The following IRF4 variants were observed in gnomAD, a reference collection of about 807,000 sequenced individuals.
The protein encoded by IRF4 is lymphocyte-specific interferon regulatory factor.
IRF4 carries 13 observed loss-of-function variants against 55.5 expected under a neutral mutation model. That is an observed-to-expected ratio of 0.23 (90% confidence interval 0.15 to 0.37). IRF4 has a LOEUF of 0.37. Among genes scored for constraint, IRF4 ranks in the 10% least tolerant of loss-of-function variants. The pLI, the probability that IRF4 is intolerant of heterozygous loss-of-function variation, is 1.00. For synonymous variants in IRF4, 249 were observed against 240.7 expected, an observed-to-expected ratio of 1.03 and a Z score of -0.32; for missense variants, 397 against 593.8, an observed-to-expected ratio of 0.67 and a Z score of 3.44.
At chr6:400,421 G>T (rs916425975) in intron 6 of IRF4, among the ~76,000 whole-genome samples, 3 of 152,128 alleles carry the variant, frequency 2.0e-5, no homozygotes, top group Non-Finnish European at 4.4e-5. Context: ...TCAGCAAAAC[G>T]TTTGTAAATG....
At chr6:395,080 A>C in intron 3 of IRF4, 73 bp downstream of exon 3, 2 of 1,195,684 alleles carry the variant, frequency 1.7e-6, no homozygotes, top group South Asian at 1.5e-5. Context: ...CTTCATTCTG[A>C]GCATCACTTT....
At position 409,824 on chromosome 6, in the gene IRF4, C is replaced by G. The variant is rs558503377; in HGVS notation, c.*2226C>G. 4 of 170,418 alleles carry G rather than the reference C, an allele frequency of 2.3e-5. No individual in the cohort carries two copies. The South Asian group carries it at 7.4e-4, about 31-fold the overall frequency. The allele number at this position is 170,418 out of a possible 1,614,324, so 10.6% of individuals were successfully genotyped here. ...CTTGGAAGTCTGTCTCAGGAGCACC[C>G]TGTCTTCTTAATTCTCCAAGCGGAT... On this transcript the variant is annotated 3_prime_UTR_variant, in exon 9 of 9. Coordinates refer to ENST00000380956, the MANE Select transcript of IRF4 (RefSeq NM_002460.4).
chr6:395,924 C>T lies in IRF4; in HGVS notation c.481C>T (p.Leu161Phe). The T allele has an allele frequency of 6.2e-7, 1 of 1,613,110 alleles. No individual in the cohort carries two copies. Among genetic ancestry groups the T allele is most frequent in the East Asian group, 2.2e-5 (1 of 44,884 alleles). ...PYTMTTPYPS[L>F]PAQQVHNYMM... Reference sequence around the variant, plus strand: ...CACCATGACAACGCCTTACCCTTCGCTCCCAGCCCAGGTATGGTGGAGGGC... The same window carrying T: ...CACCATGACAACGCCTTACCCTTCGTTCCCAGCCCAGGTATGGTGGAGGGC... Residue 161 changes from leucine (L) to phenylalanine (F), a missense_variant, in exon 4 of 9, where the codon CTC becomes TTC. Coordinates refer to ENST00000380956, the MANE Select transcript of IRF4 (RefSeq NM_002460.4).
chr6:410,356 A>C lies in IRF4; in HGVS notation c.*2758A>C, dbSNP rs1274450934. The stretch of plus-strand genomic sequence containing the variant: ...AGAACCAAGTGACCGACTCATTTAC[A>C]ACTGAAACCTAGGAAGCCCCTGAGT... On this transcript the variant is annotated 3_prime_UTR_variant, in exon 9 of 9. Transcript: ENST00000380956. The C allele has an allele frequency of 4.4e-6, 1 of 228,222 alleles. No individual in the cohort carries two copies. Among genetic ancestry groups the C allele is most frequent in the Non-Finnish European group, 8.7e-6 (1 of 114,760 alleles). The allele number at this position is 228,222 out of a possible 1,614,324, so 14.1% of individuals were successfully genotyped here. A position where few individuals can be genotyped will look rare whatever the true frequency, so the allele number is the denominator to read the frequency against.
intron 4 of IRF4, among the ~76,000 whole-genome samples, chr6:396,569 C>T (rs554958530): frequency 6.7e-6 from 1 of 149,014 alleles, no homozygotes; most frequent in East Asian, 2.0e-4. Flanking sequence ...TTATCTCAGC[C>T]TCTCCTGCAC....
rs1159107414 is a variant in IRF4 at position 405,053 on chromosome 6, C to A, written c.1135C>A (p.Pro379Thr). 2 of 1,613,998 alleles carry A rather than the reference C, an allele frequency of 1.2e-6. No homozygotes were observed. Among genetic ancestry groups the A allele is most frequent in the Non-Finnish European group, 1.7e-6 (2 of 1,179,894 alleles). Residue 379 changes from proline (P) to threonine (T), a missense_variant, in exon 8 of 9, where the codon CCA (proline) becomes ACA (threonine). Pro to Thr is a conservative substitution (Grantham distance 38). This residue lies in a region of IRF4 where 341 missense variants were observed against 548.1 expected (regional missense o/e 0.62). Coordinates refer to ENST00000380956, the MANE Select transcript of IRF4 (RefSeq NM_002460.4). ...GTTTGCTCACCACGGCCGCTCCCTG[C>A]CAAGATTCCAGGTGACTCTATGCTT... ...QAFAHHGRSL[P>T]RFQVTLCFGE...
At chr6:397,295 A>G (rs1761291067) in intron 5 of IRF4, 43 bp downstream of exon 5, 3 of 1,608,938 alleles carry the variant, frequency 1.9e-6, no homozygotes, top group Admixed American at 1.7e-5. Flanking sequence ...GCTAATTGCT[A>G]ATGTGGCCAT....
chr6:395,992 C>T (rs748167619), intron 4 of IRF4, 57 bp downstream of exon 4: 26 of 1,396,066 alleles, frequency 1.9e-5, no homozygotes, highest in Non-Finnish European at 2.6e-5. Context: ...CAGCTGCCCA[C>T]ATGGCCAGAG....
Position 398,839 on chromosome 6 carries a change from A to G in IRF4, c.649A>G (p.Thr217Ala). The change falls in exon 6 of 9, where the codon ACA (threonine) becomes GCA (alanine). Residue 217 changes from threonine (T) to alanine (A), a missense_variant. Physicochemically the swap from Thr to Ala is moderately conservative, Grantham distance 58. Transcript: ENST00000380956. ...ATTTGCAAATGCAGGTTGCCAGGTGACAGGAACCTTTTATGCTTGTGCCCC... is the reference window on the plus strand; with the variant it reads ...ATTTGCAAATGCAGGTTGCCAGGTGGCAGGAACCTTTTATGCTTGTGCCCC... ...GPACENGCQV[T>A]GTFYACAPPE... is the part of the protein sequence containing the mutation. 1.2e-6 allele frequency: 2 copies of G among 1,613,354 alleles called. No homozygotes were observed. The highest frequency in any genetic ancestry group is 4.5e-5 in the East Asian group (2 of 44,882).
At position 409,409 on chromosome 6, in the gene IRF4, C is replaced by T. The variant is rs1349744522; in HGVS notation, c.*1811C>T. The T allele has an allele frequency of 9.9e-6, 2 of 202,130 alleles. No homozygotes were observed. The highest frequency in any genetic ancestry group is 6.0e-5 in the Admixed American group (1 of 16,630). 12.5% of individuals were successfully genotyped at this position (202,130 alleles called of 1,614,324 possible). ...CCACAAGAAGGGGTGTTTATTCTTC[C>T]AACACATTTCACTTTTCTGTAAATA... On this transcript the variant is annotated 3_prime_UTR_variant, in exon 9 of 9. Transcript: ENST00000380956.
chr6:395,333 A>G (rs1270495991), intron 3 of IRF4, among the ~76,000 whole-genome samples: 2 of 152,332 alleles, frequency 1.3e-5, no homozygotes, highest in East Asian at 1.9e-4. Flanking sequence ...TTACTTATCT[A>G]ATAGTCTTTA....
rs771767398 is a variant in IRF4, at chr6:408,953, A to G, written c.*1355A>G. ...TATTTATAGAATCCCAAAGACCTCC[A>G]CTTGCTTAAGTATACCTATCACTTA... On this transcript the variant is annotated 3_prime_UTR_variant, in exon 9 of 9. Transcript: ENST00000380956. 2 of 228,362 alleles carry G rather than the reference A, an allele frequency of 8.8e-6. No individual in the cohort carries two copies. The highest frequency in any genetic ancestry group is 8.7e-6 in the Non-Finnish European group (1 of 114,938). The allele number at this position is 228,362 out of a possible 1,614,324, so 14.1% of individuals were successfully genotyped here. A position where few individuals can be genotyped will look rare whatever the true frequency, so the allele number is the denominator to read the frequency against.
rs1761173886 is a variant in IRF4, at chr6:393,438, G to C, written c.216+70G>C. On this transcript the variant is annotated intron_variant, in intron 2 of 8. Coordinates refer to ENST00000380956, the MANE Select transcript of IRF4 (RefSeq NM_002460.4). This position sits in a 1 kb window ranked among gnomAD's most constrained non-coding sequence, Gnocchi z 5.4. Reference sequence around the variant, plus strand: ...AGAGACAGAGCCCGGGGTCCCCGGCGCCGCCTCCGAGGCGAGCCCAGGGGA... The same window carrying C: ...AGAGACAGAGCCCGGGGTCCCCGGCCCCGCCTCCGAGGCGAGCCCAGGGGA... The C allele has an allele frequency of 1.6e-3, 860 of 539,850 alleles. No homozygotes were observed. The highest frequency in any genetic ancestry group is 2.1e-3 in the Non-Finnish European group (744 of 350,414). The allele number at this position is 539,850 out of a possible 1,614,324, so 33.4% of individuals were successfully genotyped here. A position where few individuals can be genotyped will look rare whatever the true frequency, so the allele number is the denominator to read the frequency against.
chr6:395,131 C>T, intron 3 of IRF4, 124 bp downstream of exon 3: 10 of 756,444 alleles, frequency 1.3e-5, no homozygotes, highest in Non-Finnish European at 2.1e-5. Context: ...TGCCTTCTGC[C>T]TCACAGTGAA....
Position 393,008 on chromosome 6 carries a change from CG to C in IRF4, c.-55-86del. Reference sequence around the variant, plus strand: ...GCGCGCTTCGCAGCCTCAAAGACTCCGGGGCCTCGTGGTCACTGGCGCAGGG... The same window carrying C: ...GCGCGCTTCGCAGCCTCAAAGACTCCGGGCCTCGTGGTCACTGGCGCAGGG... On this transcript the variant is annotated intron_variant, in intron 1 of 8. Coordinates refer to ENST00000380956, the MANE Select transcript of IRF4 (RefSeq NM_002460.4). This position sits in a 1 kb window ranked among gnomAD's most constrained non-coding sequence, Gnocchi z 5.4. The C allele has an allele frequency of 1.4e-6, 1 of 737,274 alleles. No individual in the cohort carries two copies. Among genetic ancestry groups the C allele is most frequent in the African/African-American group, 1.8e-5 (1 of 54,424 alleles). The allele number at this position is 737,274 out of a possible 1,614,324, so 45.7% of individuals were successfully genotyped here.
chr6:399,544 A>T (rs974283417), intron 6 of IRF4, among the ~76,000 whole-genome samples: 16 of 150,324 alleles, frequency 1.1e-4, no homozygotes, highest in African/African-American at 3.4e-4. Context: ...GATCTTACCT[A>T]CTATAAAGAA....
intron 4 of IRF4, among the ~76,000 whole-genome samples, chr6:396,747 C>T (rs528489294): frequency 8.7e-4 from 61 of 70,110 alleles, no homozygotes; most frequent in Non-Finnish European, 1.1e-3. Context: ...CCTTTACCCC[C>T]GTCTCAATGC....
chr6:409,609 G>A lies in IRF4; in HGVS notation c.*2011G>A, dbSNP rs942046348. ...TTCATTAGCCATGCAACATGGATATGTATTGGGCAGCAGACTGTGTTTCGT... is the reference window on the plus strand; with the variant it reads ...TTCATTAGCCATGCAACATGGATATATATTGGGCAGCAGACTGTGTTTCGT... On this transcript the variant is annotated 3_prime_UTR_variant, in exon 9 of 9. Transcript: ENST00000380956. 7 of 220,966 alleles carry A rather than the reference G, an allele frequency of 3.2e-5. No homozygotes were observed. Among genetic ancestry groups the A allele is most frequent in the African/African-American group, 1.6e-4 (7 of 44,682 alleles). The allele number at this position is 220,966 out of a possible 1,614,324, so 13.7% of individuals were successfully genotyped here. A position where few individuals can be genotyped will look rare whatever the true frequency, so the allele number is the denominator to read the frequency against.
At chr6:401,370 C>T in intron 6 of IRF4, 54 bp from the exon 7 acceptor site, 2 of 1,400,712 alleles carry the variant, frequency 1.4e-6, no homozygotes, top group Non-Finnish European at 2.0e-6. Context: ...AGTCGTTGGC[C>T]TCGAGGTGGT....
Sources: allele counts gnomAD v4.1 joint callset (sites outside exome capture counted in the v4.1 genomes callset), GRCh38; gene constraint gnomAD v4.1.1; regional missense constraint gnomAD v4.1.1; non-coding constraint Gnocchi (gnomAD v3.1); transcripts MANE v1.5; gene names NCBI Gene and HGNC (gene_info 2026-07-23, HGNC 2026-07-21).